The following SLC9A9 variants were observed in gnomAD, a reference collection of about 807,000 sequenced individuals.
SLC9A9 encodes the protein solute carrier family 9 member A9.
In SLC9A9, 62 loss-of-function variants were observed where a neutral mutation model predicts 77.8. The ratio of observed to expected loss-of-function variants is 0.80; its 90% CI spans 0.65 to 0.98. The LOEUF (loss-of-function observed/expected upper bound fraction) is 0.98, where lower values mean the gene tolerates loss of function less well. Ranked by LOEUF, SLC9A9 falls within the 50% of genes least tolerant of loss-of-function variation. SLC9A9 has a pLI of 0.00. For missense variants in SLC9A9, 775 were observed against 774.9 expected (o/e 1.00, Z 0.00); for synonymous variants, 320 against 283.5 (o/e 1.13, Z -1.29).
chr3:143,699,513 T>C (rs1283967409), intron 4 of SLC9A9, among the ~76,000 whole-genome samples: 3 of 152,196 alleles, frequency 2.0e-5, no homozygotes, highest in Non-Finnish European at 1.5e-5. Flanking sequence ...TCTGTGCTTC[T>C]GGGACAGGAA....
chr3:143,385,762 A>G (rs976418231), intron 12 of SLC9A9, among the ~76,000 whole-genome samples: 6 of 152,072 alleles, frequency 3.9e-5, no homozygotes, highest in African/African-American at 1.2e-4. Flanking sequence ...ATGAAGTCCA[A>G]CCTCCTTAGG....
chr3:143,451,974 C>T (rs1192076471), intron 12 of SLC9A9, among the ~76,000 whole-genome samples: 7 of 151,868 alleles, frequency 4.6e-5, no homozygotes, highest in African/African-American at 1.7e-4. Context: ...GAATCTGACA[C>T]ATCTAGTAAA....
At chr3:143,695,853 G>A (rs1025277429) in intron 4 of SLC9A9, among the ~76,000 whole-genome samples, 2 of 152,100 alleles carry the variant, frequency 1.3e-5, no homozygotes, top group Non-Finnish European at 2.9e-5. Flanking sequence ...ATTCTAACTG[G>A]CGTGAGATGG....
intron 5 of SLC9A9, among the ~76,000 whole-genome samples, chr3:143,663,885 A>G (rs750295673): frequency 6.6e-6 from 1 of 152,196 alleles, no homozygotes; most frequent in East Asian, 1.9e-4. Context: ...GGGAGAATGG[A>G]ACCAACTTGG....
At chr3:143,713,217 A>G (rs942554712) in intron 4 of SLC9A9, among the ~76,000 whole-genome samples, 6 of 152,254 alleles carry the variant, frequency 3.9e-5, no homozygotes, top group Admixed American at 1.3e-4. Flanking sequence ...AACTGTATCA[A>G]TGGAAGCTTA....
rs558001714 is a variant in SLC9A9, at chr3:143,466,562, G to T, written c.1469+475C>A. Among the ~76,000 whole-genome samples, 13 of 152,262 alleles carry T rather than the reference G, an allele frequency of 8.5e-5. No homozygotes were observed. In the South Asian group the frequency reaches 2.5e-3, roughly 29 times the overall value. On this transcript the variant is annotated intron_variant, in intron 12 of 15. Transcript: ENST00000316549. ...ATAGCATCCCTCTGGCTAAGCATAT[G>T]GCTCACTAAGCAAGTATGTTTAAGC...
intron 6 of SLC9A9, among the ~76,000 whole-genome samples, chr3:143,599,146 C>A (rs1459995535): frequency 6.6e-6 from 1 of 152,190 alleles, no homozygotes; most frequent in African/African-American, 2.4e-5. Flanking sequence ...GAAAGCCTAC[C>A]GTGTGCCTCA....
At chr3:143,667,316 A>T (rs1388859693) in intron 5 of SLC9A9, among the ~76,000 whole-genome samples, 1 of 152,254 alleles carries the variant, frequency 6.6e-6, no homozygotes, top group Non-Finnish European at 1.5e-5. Context: ...CTTACACCTT[A>T]TACAAAAATT....
chr3:143,317,223 G>A (rs555551068), intron 14 of SLC9A9, among the ~76,000 whole-genome samples: 12 of 152,168 alleles, frequency 7.9e-5, no homozygotes, highest in African/African-American at 2.7e-4. Flanking sequence ...CCAAGAACTT[G>A]CCAGCTCCCT....
chr3:143,740,313 A>G (rs981330322), intron 4 of SLC9A9, among the ~76,000 whole-genome samples: 1 of 152,218 alleles, frequency 6.6e-6, no homozygotes, highest in Non-Finnish European at 1.5e-5. Context: ...AGGGCTCTGA[A>G]GCTGAAGTAG....
intron 11 of SLC9A9, among the ~76,000 whole-genome samples, chr3:143,467,696 G>C (rs959529228): frequency 2.7e-5 from 4 of 149,668 alleles, no homozygotes; most frequent in Non-Finnish European, 5.9e-5. Context: ...TATGCCATCA[G>C]TCTGAGTGAC....
intron 14 of SLC9A9, among the ~76,000 whole-genome samples, chr3:143,346,458 G>A (rs576244385): frequency 7.2e-5 from 11 of 152,196 alleles, no homozygotes; most frequent in African/African-American, 1.9e-4. Flanking sequence ...TGTAGTATGC[G>A]TATTTTCTGT....
chr3:143,614,657 A>G (rs1053350894), intron 6 of SLC9A9, among the ~76,000 whole-genome samples: 3 of 152,230 alleles, frequency 2.0e-5, no homozygotes, highest in African/African-American at 7.2e-5. Flanking sequence ...TCTCTCTATT[A>G]GTGTGAGACA....
At chr3:143,482,580 A>T (rs2108581978) in intron 11 of SLC9A9, among the ~76,000 whole-genome samples, 1 of 152,296 alleles carries the variant, frequency 6.6e-6, no homozygotes, top group African/African-American at 2.4e-5. Flanking sequence ...GCAGCTCTGC[A>T]CCCTGGCTCT....
intron 4 of SLC9A9, among the ~76,000 whole-genome samples, chr3:143,763,467 C>T (rs2007202076): frequency 6.6e-6 from 1 of 152,126 alleles, no homozygotes. Context: ...TATTTTGTCA[C>T]TGTGATTTTA....
intron 4 of SLC9A9, among the ~76,000 whole-genome samples, chr3:143,732,044 C>T (rs1934818820): frequency 6.6e-6 from 1 of 152,184 alleles, no homozygotes; most frequent in Admixed American, 6.5e-5. Flanking sequence ...ATTTACATGG[C>T]TTCTGTTCCT....
At chr3:143,641,009 A>C (rs2038611705) in intron 6 of SLC9A9, among the ~76,000 whole-genome samples, 1 of 152,226 alleles carries the variant, frequency 6.6e-6, no homozygotes, top group Non-Finnish European at 1.5e-5. Context: ...ACCCACAGAG[A>C]TAACTTCTCC....
chr3:143,440,977 G>A (rs971555712), intron 12 of SLC9A9, among the ~76,000 whole-genome samples: 2 of 152,182 alleles, frequency 1.3e-5, no homozygotes, highest in African/African-American at 4.8e-5. Flanking sequence ...TCCATTTTCT[G>A]TGCTGTGCCC....
intron 4 of SLC9A9, among the ~76,000 whole-genome samples, chr3:143,771,436 T>G (rs940647560): frequency 6.6e-6 from 1 of 152,220 alleles, no homozygotes. Flanking sequence ...TTAGATTAGA[T>G]GAAGCCTGCC....
Sources: gnomAD v4.1 joint callset for allele counts (sites outside exome capture counted in the v4.1 genomes callset) on GRCh38, gnomAD v4.1.1 for gene constraint, MANE v1.5 for transcripts, NCBI Gene and HGNC (gene_info 2026-07-23, HGNC 2026-07-21) for gene names.